Variants in CDK12 observed in about 807,000 individuals in gnomAD.
CDK12 encodes cyclin-dependent kinase 12.
In CDK12, 17 loss-of-function variants were observed where a neutral mutation model predicts 133.8. The ratio of observed to expected loss-of-function variants is 0.13; its 90% CI spans 0.09 to 0.19. The LOEUF is 0.19. Ranked by LOEUF, CDK12 falls within the 10% of genes least tolerant of loss-of-function variation. The probability of loss-of-function intolerance (pLI) is 1.00; values close to 1 mark genes in which losing one functional copy is unlikely to be tolerated. For synonymous variants in CDK12, 694 were observed against 683.6 expected (o/e 1.02, Z -0.24); for missense variants, 1,508 against 1,818.7 (o/e 0.83, Z 3.11).
chr17:39,511,923 T>C (rs1265243284), intron 8 of CDK12, among the ~76,000 whole-genome samples: 1 of 152,252 alleles, frequency 6.6e-6, no homozygotes, highest in Non-Finnish European at 1.5e-5. Context: ...CTTTTAATTT[T>C]ACATTCCCCT....
At chr17:39,497,195 G>T (rs1305528955) in intron 5 of CDK12, among the ~76,000 whole-genome samples, 1 of 152,096 alleles carries the variant, frequency 6.6e-6, no homozygotes, top group Non-Finnish European at 1.5e-5. Context: ...GCCTCCCAAA[G>T]TGCTGGAATT....
At chr17:39,495,653 G>T (rs1157143099) in intron 5 of CDK12, among the ~76,000 whole-genome samples, 4 of 151,558 alleles carry the variant, frequency 2.6e-5, no homozygotes, top group Non-Finnish European at 4.4e-5. Context: ...AAATTAGCCG[G>T]ACATGGTGGC....
At chr17:39,553,201 C>G (rs1484576179) in intron 2 of CDK12, among the ~76,000 whole-genome samples, 3 of 152,142 alleles carry the variant, frequency 2.0e-5, no homozygotes, top group Non-Finnish European at 4.4e-5. Flanking sequence ...GATCTCTTTC[C>G]TCCTTCTCCC....
intron 6 of CDK12, among the ~76,000 whole-genome samples, chr17:39,508,370 G>C (rs761964319): frequency 3.5e-4 from 53 of 152,102 alleles, no homozygotes; most frequent in Admixed American, 7.2e-4. Context: ...CTGTAAATAT[G>C]ACTAAACAGG....
intron 11 of CDK12, among the ~76,000 whole-genome samples, chr17:39,521,599 G>T (rs2054171652): frequency 6.8e-6 from 1 of 146,632 alleles, no homozygotes; most frequent in Non-Finnish European, 1.5e-5. Flanking sequence ...TCGCTCTGTC[G>T]CCCAGGCTGG....
chr17:39,506,747 G>C (rs1287381887), intron 6 of CDK12, among the ~76,000 whole-genome samples: 1 of 152,230 alleles, frequency 6.6e-6, no homozygotes, highest in African/African-American at 2.4e-5. Flanking sequence ...CTGTGTACTT[G>C]AAGTTCTTCT....
chr17:39,558,544 A>T (rs1229767385), intron 3 of CDK12, among the ~76,000 whole-genome samples: 1 of 152,246 alleles, frequency 6.6e-6, no homozygotes, highest in Non-Finnish European at 1.5e-5. Context: ...GCTGTGATTT[A>T]TAAGGCTCAT....
At chr17:39,519,836 G>GTCC in intron 10 of CDK12, 120 bp from the exon 11 acceptor site, 1 of 1,075,156 alleles carries the variant, frequency 9.3e-7, no homozygotes, top group East Asian at 2.4e-5. Flanking sequence ...GCCTCACGCA[G>GTCC]TCCTACCTTG....
chr17:39,463,606 A>T (rs2049096248), intron 1 of CDK12, among the ~76,000 whole-genome samples: 2 of 151,884 alleles, frequency 1.3e-5, no homozygotes, highest in African/African-American at 4.8e-5. Context: ...TTCATTTCCT[A>T]CTTGGCACTG....
chr17:39,490,681 C>CATT lies in CDK12; in HGVS notation c.2056_2057insATT (p.Pro686delinsHisSer). On this transcript the variant is annotated protein_altering_variant, in exon 3 of 14. Coordinates refer to ENST00000447079, the MANE Select transcript of CDK12 (RefSeq NM_016507.4). ...TGGAGATCTGTCTCCCCCAGACTCT[C>CATT]CAGAACCAAAGGCAATCACACCACC... 1 of 1,613,592 alleles carries CATT rather than the reference C, an allele frequency of 6.2e-7. No individual in the cohort carries two copies. Among genetic ancestry groups the CATT allele is most frequent in the South Asian group, 1.1e-5 (1 of 91,036 alleles).
intron 11 of CDK12, among the ~76,000 whole-genome samples, chr17:39,523,946 C>T (rs2054335412): frequency 1.3e-5 from 2 of 152,144 alleles, no homozygotes; most frequent in South Asian, 2.1e-4. Context: ...CTGCCGCGCC[C>T]AGCCAAATTC....
In CDK12 at chr17:39,534,485, CT is replaced by C. The variant is rs2055043212; in HGVS notation, c.*3172del. On this transcript the variant is annotated 3_prime_UTR_variant, in exon 14 of 14. Transcript: ENST00000447079. ...ATTTTGTAATATATTAAATTTTTTT[CT>C]TTCAGTTTATAAAAATGGAAAGTGG... 1 of 232,154 alleles carries C rather than the reference CT, an allele frequency of 4.3e-6. No homozygotes were observed. The highest frequency in any genetic ancestry group is 8.5e-6 in the Non-Finnish European group (1 of 117,518). The allele number at this position is 232,154 out of a possible 1,614,324, so 14.4% of individuals were successfully genotyped here. A position where few individuals can be genotyped will look rare whatever the true frequency, so the allele number is the denominator to read the frequency against.
At chr17:39,481,132 A>G (rs914774831) in intron 2 of CDK12, among the ~76,000 whole-genome samples, 2 of 151,896 alleles carry the variant, frequency 1.3e-5, no homozygotes, top group Admixed American at 1.3e-4. Context: ...CCATGCCTGT[A>G]ATCCCAGCTG....
intron 1 of CDK12, among the ~76,000 whole-genome samples, chr17:39,463,421 C>T (rs971222924): frequency 1.3e-5 from 2 of 152,108 alleles, no homozygotes; most frequent in African/African-American, 4.8e-5. Flanking sequence ...ATACTAGTTC[C>T]CAGAGCATGT....
At chr17:39,565,916 C>T (rs959884191), downstream of CDK12, among the ~76,000 whole-genome samples, 5 of 152,156 alleles carry the variant, frequency 3.3e-5, no homozygotes, top group African/African-American at 1.2e-4. Context: ...CCACACCTGA[C>T]CTGGCAGTGG....
intron 13 of CDK12, chr17:39,530,349 A>G: frequency 2.4e-6 from 1 of 415,734 alleles, no homozygotes. Context: ...AAATGGAGGA[A>G]ATCTTAGACC....
At chr17:39,549,028 C>T (rs556639762), upstream of CDK12, 3 of 152,416 alleles carry the variant, frequency 2.0e-5, no homozygotes, top group East Asian at 3.9e-4. Flanking sequence ...CTCCAATTAG[C>T]GTTAAAGTGA....
At chr17:39,528,602 T>G (rs2054632022) in intron 13 of CDK12, among the ~76,000 whole-genome samples, 1 of 152,240 alleles carries the variant, frequency 6.6e-6, no homozygotes, top group Non-Finnish European at 1.5e-5. Context: ...CCCAAAGTAC[T>G]GGGATTACAG....
At chr17:39,477,734 A>G (rs2050329292) in intron 2 of CDK12, among the ~76,000 whole-genome samples, 1 of 150,772 alleles carries the variant, frequency 6.6e-6, no homozygotes. Flanking sequence ...CACCACGCCC[A>G]GCTAATTTTT....
Sources: allele counts gnomAD v4.1 joint callset (sites outside exome capture counted in the v4.1 genomes callset), GRCh38; gene constraint gnomAD v4.1.1; transcripts MANE v1.5; gene names NCBI Gene and HGNC (gene_info 2026-07-23, HGNC 2026-07-21).